The following TBCEL variants were observed in gnomAD, a reference collection of about 807,000 sequenced individuals.
TBCEL encodes the protein tubulin-specific chaperone cofactor E-like protein.
In TBCEL, 15 loss-of-function variants were observed where a neutral mutation model predicts 44.2. The ratio of observed to expected loss-of-function variants is 0.34; its 90% confidence interval spans 0.23 to 0.52. The LOEUF (loss-of-function observed/expected upper bound fraction) is 0.52, where lower values mean the gene tolerates loss of function less well. Ranked by LOEUF, TBCEL falls within the 20% of genes least tolerant of loss-of-function variation. The pLI is 0.95. For synonymous variants in TBCEL, 171 were observed against 185.4 expected (o/e 0.92, Z 0.63); for missense variants, 319 against 506.3 (o/e 0.63, Z 3.55).
At position 121,087,455 on chromosome 11, in the gene TBCEL, C is replaced by T. The variant is rs979954881; in HGVS notation, c.*359C>T. On this transcript the variant is annotated 3_prime_UTR_variant, in exon 9 of 9. Transcript: ENST00000683345. The stretch of plus-strand genomic sequence containing the variant: ...TGAAGATAACATGAACACTGTAGCC[C>T]CTTAGAAGGGTCTCATAGAGAATTT... The T allele has an allele frequency of 4.4e-5, 9 of 205,480 alleles. No homozygotes were observed. Among genetic ancestry groups the T allele is most frequent in the Middle Eastern group, 1.9e-3 (1 of 538 alleles). 12.7% of individuals were successfully genotyped at this position (205,480 alleles called of 1,614,324 possible).
In TBCEL at chr11:121,055,361, A is replaced by G; in HGVS notation, c.712+53A>G. 5.6e-6 allele frequency: 8 copies of G among 1,435,750 alleles called. 1 individual carries two copies. In the South Asian group the frequency reaches 1.0e-4, roughly 18 times the overall value. The allele number at this position is 1,435,750 out of a possible 1,614,324, so 88.9% of individuals were successfully genotyped here. On this transcript the variant is annotated intron_variant, in intron 6 of 8. Transcript: ENST00000683345. ...CATGCAAATTAACCTGAGCATATGC[A>G]TGAAATACAATGAAAGTATATTTCT...
At chr11:121,056,232 A>G (rs1166942309) in intron 6 of TBCEL, among the ~76,000 whole-genome samples, 2 of 151,836 alleles carry the variant, frequency 1.3e-5, no homozygotes, top group Non-Finnish European at 2.9e-5. Context: ...ATCATACAGT[A>G]TGTAGCCTTC....
At chr11:121,029,825 G>T (rs552816260) in intron 1 of TBCEL, among the ~76,000 whole-genome samples, 2 of 152,294 alleles carry the variant, frequency 1.3e-5, no homozygotes, top group African/African-American at 4.8e-5. Context: ...CTGTCAGAAG[G>T]TGTTGCTTCA....
intron 8 of TBCEL, among the ~76,000 whole-genome samples, chr11:121,078,145 A>G (rs1216623173): frequency 6.6e-6 from 1 of 151,986 alleles, no homozygotes; most frequent in Non-Finnish European, 1.5e-5. Context: ...CAAGTTGTTA[A>G]TGTTATTCAG....
intron 8 of TBCEL, among the ~76,000 whole-genome samples, chr11:121,061,538 A>G (rs1309803250): frequency 3.9e-5 from 6 of 152,100 alleles, no homozygotes; most frequent in Admixed American, 3.3e-4. Flanking sequence ...CCTAGGTGGT[A>G]TAGCCTACTA....
In TBCEL at chr11:121,068,776, A is replaced by G. The variant is rs552496499; in HGVS notation, c.956+8691A>G. Among the ~76,000 whole-genome samples the G allele has an allele frequency of 2.6e-3, 396 of 151,380 alleles. 1 individual carries two copies. The highest frequency in any genetic ancestry group is 9.1e-3 in the African/African-American group (375 of 41,214). On this transcript the variant is annotated intron_variant, in intron 8 of 8. Transcript: ENST00000683345. ...GTAGTGCATACCTGTAATCCCAGCT[A>G]CTCTGGAGGCTGAGGGAGGAGAATC...
At position 121,024,175 on chromosome 11, in the gene TBCEL, G is replaced by A. The variant is rs1371641136; in HGVS notation, c.-242G>A. The A allele has an allele frequency of 6.5e-6, 1 of 153,334 alleles. No individual in the cohort carries two copies. The highest frequency in any genetic ancestry group is 1.5e-5 in the Non-Finnish European group (1 of 68,616). The allele number at this position is 153,334 out of a possible 1,614,324, so 9.5% of individuals were successfully genotyped here. A position where few individuals can be genotyped will look rare whatever the true frequency, so the allele number is the denominator to read the frequency against. On this transcript the variant is annotated 5_prime_UTR_variant, in exon 1 of 9. Coordinates refer to ENST00000683345, the MANE Select transcript of TBCEL (RefSeq NM_001363644.2). Reference sequence around the variant, plus strand: ...ACTAGGTGAAGCGGCGCCGGGCCGGGGCTGGCCGGGACCAGGCCCGAGGCT... The same window carrying A: ...ACTAGGTGAAGCGGCGCCGGGCCGGAGCTGGCCGGGACCAGGCCCGAGGCT...
At chr11:121,065,891 T>C (rs957369906) in intron 8 of TBCEL, among the ~76,000 whole-genome samples, 5 of 152,202 alleles carry the variant, frequency 3.3e-5, no homozygotes, top group Admixed American at 2.0e-4. Flanking sequence ...TAATATGATA[T>C]TTACTGGCCT....
intron 1 of TBCEL, among the ~76,000 whole-genome samples, chr11:121,033,488 T>A (rs187383760): frequency 6.6e-6 from 1 of 152,320 alleles, no homozygotes; most frequent in East Asian, 1.9e-4. Flanking sequence ...TATTGAGACT[T>A]GCCTGTTTTA....
chr11:121,043,773 ACT>A (rs1340850543), intron 2 of TBCEL, among the ~76,000 whole-genome samples: 1 of 151,528 alleles, frequency 6.6e-6, no homozygotes, highest in Non-Finnish European at 1.5e-5. Context: ...TTTCTTCATG[ACT>A]CTGTTTCCTC....
intron 4 of TBCEL, among the ~76,000 whole-genome samples, chr11:121,048,760 A>G (rs1452700276): frequency 1.3e-5 from 2 of 151,896 alleles, no homozygotes; most frequent in Middle Eastern, 3.2e-3. Flanking sequence ...TGCTATTTCT[A>G]GAACTTTTTC....
chr11:121,077,916 A>T (rs960169038), intron 8 of TBCEL, among the ~76,000 whole-genome samples: 1 of 152,034 alleles, frequency 6.6e-6, no homozygotes, highest in Admixed American at 6.6e-5. Flanking sequence ...TTATCTTTCC[A>T]GGGATTTTCG....
intron 1 of TBCEL, among the ~76,000 whole-genome samples, chr11:121,031,359 A>G (rs1213633078): frequency 6.6e-6 from 1 of 152,232 alleles, no homozygotes; most frequent in African/African-American, 2.4e-5. Flanking sequence ...TGGTATTGTC[A>G]GAGTTTTTAA....
chr11:121,025,277 C>T (rs766010366), intron 1 of TBCEL, among the ~76,000 whole-genome samples: 11 of 151,642 alleles, frequency 7.3e-5, no homozygotes, highest in Admixed American at 1.3e-4. Context: ...TGCTGTGGAG[C>T]TCTTACGTTT....
chr11:121,063,132 T>C (rs1216748936), intron 8 of TBCEL, among the ~76,000 whole-genome samples: 1 of 152,166 alleles, frequency 6.6e-6, no homozygotes, highest in Non-Finnish European at 1.5e-5. Flanking sequence ...TGGGACCAAC[T>C]GGCTATGTTT....
Position 121,055,308 on chromosome 11 carries a change from G to A in TBCEL, c.712G>A (p.Gly238Ser). 6.2e-7 allele frequency: 1 copy of A among 1,605,572 alleles called. No homozygotes were observed. The highest frequency in any genetic ancestry group is 8.5e-7 in the Non-Finnish European group (1 of 1,175,448). ...NLRSISLHKS[G>S]LQSWEDIDKL... ...TCGATCCATCAGCCTCCACAAGTCA[G>A]GTGAGGTTCAGGCTTGTTCTTATTC... Residue 238 changes from glycine (G) to serine (S), a missense_variant and splice_region_variant, in exon 6 of 9, where the codon GGT (glycine) becomes AGT (serine). Transcript: ENST00000683345.
chr11:121,024,906 G>C (rs1354706403), intron 1 of TBCEL, among the ~76,000 whole-genome samples: 26 of 152,194 alleles, frequency 1.7e-4, no homozygotes, highest in Non-Finnish European at 1.5e-5. Flanking sequence ...GACTGAGAAC[G>C]AGGGTGTTGG....
rs1946254788 is a variant in TBCEL at position 121,088,978 on chromosome 11, A to G, written c.*1882A>G. 6.6e-6 allele frequency: 1 copy of G among 152,216 alleles called. No individual in the cohort carries two copies. The highest frequency in any genetic ancestry group is 2.4e-5 in the African/African-American group (1 of 41,460). The allele number at this position is 152,216 out of a possible 1,614,324, so 9.4% of individuals were successfully genotyped here. A position where few individuals can be genotyped will look rare whatever the true frequency, so the allele number is the denominator to read the frequency against. On this transcript the variant is annotated 3_prime_UTR_variant, in exon 9 of 9. Coordinates refer to ENST00000683345, the MANE Select transcript of TBCEL (RefSeq NM_001363644.2). ...TATAGACAAGAATAATTATTTTGCA[A>G]ACACATTTTCCTGACAGATTTTTGG...
chr11:121,034,253 C>T (rs1419067684), intron 1 of TBCEL, among the ~76,000 whole-genome samples: 1 of 152,070 alleles, frequency 6.6e-6, no homozygotes, highest in Non-Finnish European at 1.5e-5. Context: ...CTGAGCAGCA[C>T]CTATTGTTCT....
Sources: gnomAD v4.1 joint callset for allele counts (sites outside exome capture counted in the v4.1 genomes callset) on GRCh38, gnomAD v4.1.1 for gene constraint, MANE v1.5 for transcripts, NCBI Gene and HGNC (gene_info 2026-07-23, HGNC 2026-07-21) for gene names.